The following WDR19 variants were observed in gnomAD, a reference collection of about 807,000 sequenced individuals.
WDR19 encodes the protein WD repeat-containing protein 19.
In WDR19, 121 loss-of-function variants were observed where a neutral mutation model predicts 180.0. That is an observed-to-expected ratio of 0.67 (90% CI 0.58 to 0.78). The LOEUF (loss-of-function observed/expected upper bound fraction) is 0.78. WDR19 is among the 30% of genes least tolerant of loss of function. The pLI is 0.00. For synonymous variants in WDR19, 497 were observed against 540.7 expected (o/e 0.92, Z 1.12); for missense variants, 1,450 against 1,640.7 (o/e 0.88, Z 2.01).
chr4:39,217,083 G>A, intron 12 of WDR19, 51 bp from the exon 13 acceptor site: 1 of 1,299,404 alleles, frequency 7.7e-7, no homozygotes, highest in Admixed American at 2.1e-5. Flanking sequence ...AAGTAGGTAT[G>A]AGATAGTTTT....
At chr4:39,218,259 T>C (rs1267510906) in intron 14 of WDR19, 154 bp downstream of exon 14, 5 of 958,676 alleles carry the variant, frequency 5.2e-6, no homozygotes, top group Non-Finnish European at 7.7e-6. Context: ...TTCATGTGTC[T>C]CTTTGCAGTG....
chr4:39,217,853 A>G (rs1729228753), intron 13 of WDR19, 130 bp from the exon 14 acceptor site: 16 of 1,188,752 alleles, frequency 1.3e-5, no homozygotes, highest in Non-Finnish European at 1.9e-5. Flanking sequence ...TAGCTTTCCA[A>G]CTAAACTGAC....
At chr4:39,222,235 C>A (rs977715393) in intron 14 of WDR19, among the ~76,000 whole-genome samples, 4 of 152,104 alleles carry the variant, frequency 2.6e-5, no homozygotes, top group Admixed American at 2.6e-4. Flanking sequence ...AGCGTCTGTT[C>A]AAATTTTTTG....
In WDR19 at chr4:39,231,901, G is replaced by A. The variant is rs747881116; in HGVS notation, c.2087G>A (p.Arg696His). ...LHHMEVEFAI[R>H]VYRRIGNVGI... Reference sequence around the variant, plus strand: ...CACATGGAAGTGGAGTTTGCAATCCGTGTTTATCGGAGAATTGGAAATGTT... The same window carrying A: ...CACATGGAAGTGGAGTTTGCAATCCATGTTTATCGGAGAATTGGAAATGTT... The change falls in exon 18 of 37, where the codon CGT (arginine) becomes CAT (histidine). Residue 696 changes from arginine (R) to histidine (H), a missense_variant. Arg to His is a conservative substitution (Grantham distance 29, BLOSUM62 0). Coordinates refer to ENST00000399820, the MANE Select transcript of WDR19 (RefSeq NM_025132.4). 29 of 1,613,648 alleles carry A rather than the reference G, an allele frequency of 1.8e-5. No homozygotes were observed. The highest frequency in any genetic ancestry group is 1.6e-4 in the Middle Eastern group (1 of 6,062).
chr4:39,228,835 A>G, intron 17 of WDR19, 145 bp downstream of exon 17: 1 of 904,986 alleles, frequency 1.1e-6, no homozygotes, highest in Non-Finnish European at 1.6e-6. Flanking sequence ...GTAGAAGTAC[A>G]AGTGCAGTTG....
At chr4:39,279,778 T>C (rs1207178901) in intron 36 of WDR19, among the ~76,000 whole-genome samples, 1 of 150,146 alleles carries the variant, frequency 6.7e-6, no homozygotes, top group Non-Finnish European at 1.5e-5. Context: ...CTCGGCTTAC[T>C]GCAACCTCTG....
intron 9 of WDR19, among the ~76,000 whole-genome samples, chr4:39,210,904 A>G (rs189677697): frequency 6.6e-6 from 1 of 152,264 alleles, no homozygotes; most frequent in East Asian, 1.9e-4. Context: ...TGGGAGGCCA[A>G]GGCGGGAGAA....
At chr4:39,272,344 G>T (rs545951516) in intron 31 of WDR19, among the ~76,000 whole-genome samples, 210 of 152,256 alleles carry the variant, frequency 1.4e-3, no homozygotes, top group African/African-American at 4.9e-3. Flanking sequence ...GGCCCCAAGG[G>T]TTGGCATCAT....
chr4:39,240,984 C>G (rs2109395962), intron 21 of WDR19, among the ~76,000 whole-genome samples: 1 of 151,384 alleles, frequency 6.6e-6, no homozygotes, highest in South Asian at 2.1e-4. Flanking sequence ...TTTCAGTAAC[C>G]ATTTTGAAAG....
At chr4:39,213,550 T>C (rs1284059265) in intron 9 of WDR19, among the ~76,000 whole-genome samples, 1 of 152,158 alleles carries the variant, frequency 6.6e-6, no homozygotes, top group Non-Finnish European at 1.5e-5. Context: ...AACAGATTAG[T>C]GATTCCCAGA....
chr4:39,281,205 A>ATATGTGTGTGTGTGTG (rs1553919960), intron 36 of WDR19, among the ~76,000 whole-genome samples: 2 of 110,416 alleles, frequency 1.8e-5, no homozygotes, highest in South Asian at 2.7e-4. Flanking sequence ...CTAAATATAT[A>ATATGTGTGTGTGTGTG]TGTGTGTGTG....
At chr4:39,264,833 C>T (rs903518844) in intron 28 of WDR19, among the ~76,000 whole-genome samples, 1 of 152,070 alleles carries the variant, frequency 6.6e-6, no homozygotes, top group African/African-American at 2.4e-5. Flanking sequence ...TAAACTCATA[C>T]ATGCCCATCC....
chr4:39,218,103 G>A lies in WDR19; in HGVS notation c.1477G>A (p.Asp493Asn). The change falls in exon 14 of 37, where the codon GAT (aspartate) becomes AAT (asparagine). Residue 493 changes from aspartate (D) to asparagine (N), a missense_variant and splice_region_variant. Physicochemically the swap from Asp to Asn is conservative, Grantham distance 23 (BLOSUM62 1). Coordinates refer to ENST00000399820, the MANE Select transcript of WDR19 (RefSeq NM_025132.4). Reference sequence around the variant, plus strand: ...TAGTGATTTCCTCATCTATGGTACAGATGTATGTATTGCCTTCTTTTTTAG... The same window carrying A: ...TAGTGATTTCCTCATCTATGGTACAAATGTATGTATTGCCTTCTTTTTTAG... ...LTSDFLIYGT[D>N]TGVVQYFYIE... 6.2e-7 allele frequency: 1 copy of A among 1,609,710 alleles called. No individual in the cohort carries two copies. The highest frequency in any genetic ancestry group is 8.5e-7 in the Non-Finnish European group (1 of 1,177,976).
At chr4:39,265,963 G>A in intron 28 of WDR19, 100 bp from the exon 29 acceptor site, 2 of 1,018,736 alleles carry the variant, frequency 2.0e-6, no homozygotes, top group South Asian at 1.4e-5. Context: ...TACTATTAAT[G>A]TTTTTTATTC....
At chr4:39,208,984 G>T (rs755351854) in intron 9 of WDR19, among the ~76,000 whole-genome samples, 2 of 152,126 alleles carry the variant, frequency 1.3e-5, no homozygotes, top group Non-Finnish European at 2.9e-5. Flanking sequence ...GGTCAACAAG[G>T]ATATAAAAGA....
chr4:39,231,647 T>TC, intron 17 of WDR19, 150 bp from the exon 18 acceptor site: 1 of 641,734 alleles, frequency 1.6e-6, no homozygotes, highest in Non-Finnish European at 2.3e-6. Flanking sequence ...AGCTTAAGTG[T>TC]TTTTTCATTA....
intron 34 of WDR19, 101 bp from the exon 35 acceptor site, chr4:39,278,030 G>T: frequency 4.9e-6 from 5 of 1,029,436 alleles, no homozygotes; most frequent in Non-Finnish European, 7.3e-6. Flanking sequence ...CTCCAGCCTG[G>T]GTGACTGGGC....
intron 20 of WDR19, among the ~76,000 whole-genome samples, chr4:39,236,796 A>G (rs1379034918): frequency 2.6e-5 from 4 of 152,202 alleles, no homozygotes; most frequent in Admixed American, 2.0e-4. Flanking sequence ...TGGAAATTCC[A>G]TAATCTATTC....
chr4:39,283,012 C>T (rs1419908125), intron 36 of WDR19, among the ~76,000 whole-genome samples: 1 of 152,154 alleles, frequency 6.6e-6, no homozygotes, highest in Non-Finnish European at 1.5e-5. Flanking sequence ...CTAGGACCTC[C>T]TCTGCAATGT....
Sources: allele counts gnomAD v4.1 joint callset (sites outside exome capture counted in the v4.1 genomes callset), GRCh38; gene constraint gnomAD v4.1.1; transcripts MANE v1.5; gene names NCBI Gene and HGNC (gene_info 2026-07-23, HGNC 2026-07-21).